The following IRAK3 variants were observed in gnomAD, a reference collection of about 807,000 sequenced individuals.
IRAK3 encodes the protein interleukin-1 receptor-associated kinase 3.
In IRAK3, 57 loss-of-function variants were observed where a neutral mutation model predicts 56.6. The ratio of observed to expected loss-of-function variants is 1.01; its 90% CI spans 0.81 to 1.26. The LOEUF is 1.26. IRAK3 is among the 50% of genes most tolerant of loss of function. IRAK3 has a pLI of 0.00. For missense variants in IRAK3, 703 were observed against 719.0 expected (o/e 0.98, Z 0.25); for synonymous variants, 258 against 255.7 (o/e 1.01, Z -0.09).
At chr12:66,235,177 G>C (rs2052891253) in intron 8 of IRAK3, 1 of 1,613,748 alleles carries the variant, frequency 6.2e-7, no homozygotes, top group East Asian at 2.2e-5. Context: ...TGGTGGTGCT[G>C]GGACTGGGAG....
intron 8 of IRAK3, among the ~76,000 whole-genome samples, chr12:66,233,418 T>C (rs1267321245): frequency 6.6e-6 from 1 of 151,050 alleles, no homozygotes; most frequent in African/African-American, 2.4e-5. Flanking sequence ...CTTGGGAGGC[T>C]GAGGCAGGAG....
In IRAK3 at chr12:66,202,677, C is replaced by T. The variant is rs187936553; in HGVS notation, c.134-1034C>T. 1.8e-4 allele frequency among the ~76,000 whole-genome samples: 27 copies of T among 151,880 alleles called. 5 individuals carry two copies. Among genetic ancestry groups the T allele is most frequent in the Admixed American group, 1.4e-3 (22 of 15,248 alleles). On this transcript the variant is annotated intron_variant, in intron 1 of 11. Transcript: ENST00000261233. ...GTGCTGGGCATGGTGGTGCAGTGCA[C>T]ACCTGTAGTTGCAGCTACTTGGGAG...
rs567428198 is a variant in IRAK3 at position 66,237,201 on chromosome 12, G to T, written c.888-7285G>T. ...CTTCTCCCAGCATTGTGAGGAGGAA[G>T]TGAGGTGATAGACTGAAAGCACAAC... On this transcript the variant is annotated intron_variant, in intron 8 of 11. Transcript: ENST00000261233. 1.1e-3 allele frequency among the ~76,000 whole-genome samples: 172 copies of T among 152,264 alleles called. 4 individuals are homozygous for T. The highest frequency in any genetic ancestry group is 0.011 in the Admixed American group (170 of 15,294).
chr12:66,207,883 T>C (rs2052572182), intron 2 of IRAK3, among the ~76,000 whole-genome samples: 1 of 152,198 alleles, frequency 6.6e-6, no homozygotes, highest in African/African-American at 2.4e-5. Context: ...GATCAGAAAA[T>C]AGACTTTGTA....
chr12:66,251,640 A>G lies in IRAK3; in HGVS notation c.*3469A>G, dbSNP rs1203970816. On this transcript the variant is annotated 3_prime_UTR_variant, in exon 12 of 12. Coordinates refer to ENST00000261233, the MANE Select transcript of IRAK3 (RefSeq NM_007199.3). ...TTTTATTGACTTCTTGGGAGTTGTA[A>G]TGATCTGTGACTCACTGCATAATAT... The G allele has an allele frequency of 1.3e-5, 2 of 152,214 alleles. No individual in the cohort carries two copies. The highest frequency in any genetic ancestry group is 2.9e-5 in the Non-Finnish European group (2 of 68,046). The allele number at this position is 152,214 out of a possible 1,614,324, so 9.4% of individuals were successfully genotyped here. A position where few individuals can be genotyped will look rare whatever the true frequency, so the allele number is the denominator to read the frequency against.
At chr12:66,203,059 C>T (rs1411942614) in intron 1 of IRAK3, among the ~76,000 whole-genome samples, 1 of 152,036 alleles carries the variant, frequency 6.6e-6, no homozygotes, top group Non-Finnish European at 1.5e-5. Flanking sequence ...ATAGAAAAAT[C>T]ACCATTAAGC....
chr12:66,200,727 C>T (rs2052498724), intron 1 of IRAK3, among the ~76,000 whole-genome samples: 1 of 152,138 alleles, frequency 6.6e-6, no homozygotes, highest in Admixed American at 6.5e-5. Flanking sequence ...AGATATTTGC[C>T]TTTCTGCTGG....
intron 11 of IRAK3, 72 bp downstream of exon 11, chr12:66,245,334 G>A (rs2053018815): frequency 8.3e-6 from 12 of 1,438,076 alleles, no homozygotes; most frequent in East Asian, 2.3e-5. Flanking sequence ...GATAAATTGT[G>A]TATCTAAGTG....
At chr12:66,230,796 T>C (rs2052836819) in intron 8 of IRAK3, among the ~76,000 whole-genome samples, 1 of 152,126 alleles carries the variant, frequency 6.6e-6, no homozygotes, top group South Asian at 2.1e-4. Context: ...AAAATGTGAC[T>C]CGAAGATTTT....
chr12:66,223,185 T>C (rs2052752234), intron 6 of IRAK3, among the ~76,000 whole-genome samples: 1 of 152,154 alleles, frequency 6.6e-6, no homozygotes, highest in African/African-American at 2.4e-5. Flanking sequence ...GGCAGGAACA[T>C]GCCATTTAAA....
In IRAK3 at chr12:66,247,679, G is replaced by T; in HGVS notation, c.1315-16G>T. On this transcript the variant is annotated splice_polypyrimidine_tract_variant and intron_variant, in intron 11 of 11. Transcript: ENST00000261233. ...TTCAAACTTAATTTAATGTCTGTTT[G>T]CTTCTTTGTTATTAGGTTTTAAATA... The T allele has an allele frequency of 1.4e-6, 2 of 1,474,862 alleles. No homozygotes were observed. The highest frequency in any genetic ancestry group is 4.5e-5 in the East Asian group (2 of 44,236). 91.4% of individuals were successfully genotyped at this position (1,474,862 alleles called of 1,614,324 possible). A position where few individuals can be genotyped will look rare whatever the true frequency, so the allele number is the denominator to read the frequency against.
rs2053067685 is a variant in IRAK3, at chr12:66,249,157, G to A, written c.*986G>A. 6.6e-6 allele frequency: 1 copy of A among 151,616 alleles called. No individual in the cohort carries two copies. The highest frequency in any genetic ancestry group is 1.5e-5 in the Non-Finnish European group (1 of 67,972). 9.4% of individuals were successfully genotyped at this position (151,616 alleles called of 1,614,324 possible). The stretch of plus-strand genomic sequence containing the variant: ...TCACTTTCTGAATTATATCAAAGCT[G>A]CTTGTCTTATCTCTTTTTTTTTTTG... On this transcript the variant is annotated 3_prime_UTR_variant, in exon 12 of 12. Transcript: ENST00000261233.
At chr12:66,243,202 A>G (rs1477384914) in intron 8 of IRAK3, among the ~76,000 whole-genome samples, 1 of 152,232 alleles carries the variant, frequency 6.6e-6, no homozygotes, top group African/African-American at 2.4e-5. Context: ...TCTAAATAGA[A>G]GTAGGACTCT....
intron 6 of IRAK3, among the ~76,000 whole-genome samples, chr12:66,220,809 C>T (rs778846126): frequency 1.4e-4 from 21 of 152,112 alleles, no homozygotes; most frequent in Admixed American, 7.8e-4. Context: ...CGTGAGCCAC[C>T]GCGCCCGGCC....
chr12:66,226,108 T>G (rs1344443186), intron 6 of IRAK3, among the ~76,000 whole-genome samples: 1 of 152,252 alleles, frequency 6.6e-6, no homozygotes, highest in Non-Finnish European at 1.5e-5. Flanking sequence ...TGTCTATCTT[T>G]TGTAAACTTT....
intron 6 of IRAK3, 63 bp from the exon 7 acceptor site, chr12:66,226,660 T>A: frequency 1.1e-6 from 1 of 907,906 alleles, no homozygotes; most frequent in South Asian, 1.3e-5. Flanking sequence ...CCCACACCAG[T>A]GTGTTGTTCA....
At chr12:66,197,056 G>A in intron 1 of IRAK3, 1 of 1,462,238 alleles carries the variant, frequency 6.8e-7, no homozygotes, top group Middle Eastern at 1.8e-4. Context: ...AGTCAGTCCT[G>A]CACTCTCAAA....
chr12:66,247,274 A>C (rs534727628), intron 11 of IRAK3, among the ~76,000 whole-genome samples: 5 of 150,996 alleles, frequency 3.3e-5, no homozygotes, highest in African/African-American at 9.9e-5. Flanking sequence ...CATCTCAAAA[A>C]AAAACAAAAC....
At position 66,245,194 on chromosome 12, in the gene IRAK3, G is replaced by T. The variant is rs531978801; in HGVS notation, c.1246G>T (p.Ala416Ser). The stretch of plus-strand genomic sequence containing the variant: ...GCCTCCCTGCCCTCGGAATTTCTCT[G>T]CCAAGCTCTTCTGTTTGGCAGGCCG... ...KVPPCPRNFS[A>S]KLFCLAGRCA... The change falls in exon 11 of 12, where the codon GCC (alanine) becomes TCC (serine). Residue 416 changes from alanine to serine, a missense_variant. Ala to Ser is a moderately conservative substitution (Grantham distance 99, BLOSUM62 1). Coordinates refer to ENST00000261233, the MANE Select transcript of IRAK3 (RefSeq NM_007199.3). 4.3e-6 allele frequency: 7 copies of T among 1,614,120 alleles called. No individual in the cohort carries two copies. The highest frequency in any genetic ancestry group is 5.9e-6 in the Non-Finnish European group (7 of 1,180,028).
Sources: gnomAD v4.1 joint callset for allele counts (sites outside exome capture counted in the v4.1 genomes callset) on GRCh38, gnomAD v4.1.1 for gene constraint, MANE v1.5 for transcripts, NCBI Gene and HGNC (gene_info 2026-07-23, HGNC 2026-07-21) for gene names.